Variants in ACAA1 observed in about 807,000 individuals in gnomAD.
The protein encoded by ACAA1 is acetyl-CoA acyltransferase 1, also known as 3-ketoacyl-CoA thiolase, peroxisomal.
ACAA1 carries 44 observed loss-of-function variants against 48.8 expected under a neutral mutation model. The ratio of observed to expected loss-of-function variants is 0.90; its 90% CI spans 0.71 to 1.16. ACAA1 has a LOEUF of 1.16. Among genes scored for constraint, ACAA1 ranks in the 50% most tolerant of loss-of-function variants. The pLI, the probability that ACAA1 is intolerant of heterozygous loss-of-function variation, is 0.00. For synonymous variants in ACAA1, 233 were observed against 226.5 expected (o/e 1.03, Z -0.26); for missense variants, 512 against 562.3 (o/e 0.91, Z 0.90).
chr3:38,125,382 C>T (rs1204524329), intron 11 of ACAA1, 183 bp downstream of exon 11: 6 of 610,346 alleles, frequency 9.8e-6, no homozygotes, highest in African/African-American at 3.8e-5. Flanking sequence ...AACTCACTAC[C>T]TCTGGACCAG....
chr3:38,127,895 C>A, intron 6 of ACAA1, 29 bp from the exon 7 acceptor site: 2 of 1,611,466 alleles, frequency 1.2e-6, no homozygotes, highest in Non-Finnish European at 1.7e-6. Context: ...ATAGTGTGGG[C>A]ATTGGTCTGA....
intron 2 of ACAA1, among the ~76,000 whole-genome samples, chr3:38,135,780 C>A (rs1700878931): frequency 6.6e-6 from 1 of 152,106 alleles, no homozygotes; most frequent in African/African-American, 2.4e-5. Flanking sequence ...AAGAGGCCTT[C>A]CTCTTTTACT....
Position 38,122,792 on chromosome 3 carries a change from T to C in ACAA1, c.*255A>G, listed in dbSNP as rs1700559808. ...CTTGCCTTAAGAATTAACCATGGCC[T>C]TGTGGCCTGGGTGACCCAGGCTGCT... On this transcript the variant is annotated 3_prime_UTR_variant, in exon 12 of 12. Transcript: ENST00000333167. 10 of 1,094,910 alleles carry C rather than the reference T, an allele frequency of 9.1e-6. No individual in the cohort carries two copies. Among genetic ancestry groups the C allele is most frequent in the Non-Finnish European group, 1.3e-5 (10 of 796,244 alleles). 67.8% of individuals were successfully genotyped at this position (1,094,910 alleles called of 1,614,324 possible). A position where few individuals can be genotyped will look rare whatever the true frequency, so the allele number is the denominator to read the frequency against.
intron 11 of ACAA1, 149 bp from the exon 12 acceptor site, chr3:38,123,271 GCACA>G: frequency 1.4e-6 from 1 of 692,422 alleles, no homozygotes; most frequent in Non-Finnish European, 2.5e-6. Context: ...TCCCACTTGG[GCACA>G]CACACGGTGA....
At position 38,129,314 on chromosome 3, in the gene ACAA1, G is replaced by A. The variant is rs1218742466; in HGVS notation, c.521C>T (p.Ala174Val). Residue 174 changes from alanine to valine, a missense_variant, in exon 6 of 12, where the codon GCC (alanine) becomes GTC (valine). Physicochemically the swap from Ala to Val is moderately conservative, Grantham distance 64 (BLOSUM62 0). Coordinates refer to ENST00000333167, the MANE Select transcript of ACAA1 (RefSeq NM_001607.4). The surrounding 1 kb of genome is among the most constrained non-coding windows in gnomAD (Gnocchi z 5.3). Reference protein sequence around the residue: ...ITSRLMEKEKARDCLIPMGIT... With the variant: ...ITSRLMEKEKVRDCLIPMGIT... ...CCCCATAGGAATCAGGCAATCTCTG[G>A]CCTTCTCCTTCTCCATCAAGCGCGA... 6.2e-6 allele frequency: 10 copies of A among 1,613,990 alleles called. No homozygotes were observed. The highest frequency in any genetic ancestry group is 4.0e-5 in the African/African-American group (3 of 74,902).
chr3:38,126,102 A>T lies in ACAA1; in HGVS notation c.997+60T>A. 1 of 1,572,820 alleles carries T rather than the reference A, an allele frequency of 6.4e-7. No individual in the cohort carries two copies. Among genetic ancestry groups the T allele is most frequent in the Non-Finnish European group, 8.7e-7 (1 of 1,153,968 alleles). ...CCACCCTCATGCCCCTGGCAACAGC[A>T]TGCAGGGCAGCTGCAGGATCCAGGT... is the stretch of plus-strand genomic sequence containing the variant. On this transcript the variant is annotated intron_variant, in intron 9 of 11. Coordinates refer to ENST00000333167, the MANE Select transcript of ACAA1 (RefSeq NM_001607.4). The surrounding 1 kb of genome is among the most constrained non-coding windows in gnomAD (Gnocchi z 4.7).
intron 5 of ACAA1, among the ~76,000 whole-genome samples, chr3:38,130,349 A>G (rs1443219021): frequency 6.6e-6 from 1 of 152,228 alleles, no homozygotes; most frequent in Admixed American, 6.5e-5. Flanking sequence ...TACTCCATTT[A>G]TTCTTCTCAA....
chr3:38,131,318 C>G (rs756163767), intron 5 of ACAA1, among the ~76,000 whole-genome samples: 1 of 152,146 alleles, frequency 6.6e-6, no homozygotes, highest in Non-Finnish European at 1.5e-5. Flanking sequence ...TGGATTTTCT[C>G]AAAATGTTTT....
chr3:38,135,005 T>C (rs1700862313), intron 2 of ACAA1, among the ~76,000 whole-genome samples: 1 of 152,004 alleles, frequency 6.6e-6, no homozygotes, highest in Non-Finnish European at 1.5e-5. Flanking sequence ...TTCTATTTAC[T>C]GAGATAGGAG....
At chr3:38,125,437 G>T in intron 11 of ACAA1, 128 bp downstream of exon 11, 2 of 1,192,876 alleles carry the variant, frequency 1.7e-6, no homozygotes, top group South Asian at 2.0e-5. Context: ...CAACATTTGG[G>T]ATTATGGTGC....
Position 38,127,826 on chromosome 3 carries a change from G to A in ACAA1, c.586C>T (p.Arg196Trp), listed in dbSNP as rs189286587. ...ENVAERFGIS[R>W]EKQDTFALAS... is the part of the protein sequence containing the mutation. ...AGGGCAAAGGTATCCTGCTTCTCCC[G>A]TGAAATGCCAAACCGCTCAGCCACA... The change falls in exon 7 of 12, where the codon CGG (arginine) becomes TGG (tryptophan). Residue 196 changes from arginine to tryptophan, a missense_variant. Transcript: ENST00000333167. 4.2e-5 allele frequency: 68 copies of A among 1,614,096 alleles called. No homozygotes were observed. Among genetic ancestry groups the A allele is most frequent in the African/African-American group, 1.2e-4 (9 of 75,002 alleles).
intron 7 of ACAA1, among the ~76,000 whole-genome samples, chr3:38,127,150 T>C (rs1191742365): frequency 6.6e-6 from 1 of 152,240 alleles, no homozygotes; most frequent in African/African-American, 2.4e-5. Context: ...TTAAGCAATT[T>C]TAAAGCACAA....
rs1034036205 is a variant in ACAA1 at position 38,129,069 on chromosome 3, G to A, written c.545+221C>T. 2.6e-5 allele frequency among the ~76,000 whole-genome samples: 4 copies of A among 152,158 alleles called. No homozygotes were observed. The highest frequency in any genetic ancestry group is 2.6e-4 in the Admixed American group (4 of 15,278). On this transcript the variant is annotated intron_variant, in intron 6 of 11. Coordinates refer to ENST00000333167, the MANE Select transcript of ACAA1 (RefSeq NM_001607.4). The surrounding 1 kb of genome is among the most constrained non-coding windows in gnomAD (Gnocchi z 5.3). ...TCAGTGTGGGAGTGACAAGGTGGGC[G>A]ATGTTTGGAAACTCGGGGGCACAGA... is the stretch of plus-strand genomic sequence containing the variant.
Position 38,136,678 on chromosome 3 carries a change from G to A in ACAA1, c.179C>T (p.Thr60Ile), listed in dbSNP as rs772886344. 1.9e-6 allele frequency: 3 copies of A among 1,611,594 alleles called. No individual in the cohort carries two copies. Among genetic ancestry groups the A allele is most frequent in the South Asian group, 2.2e-5 (2 of 90,928 alleles). Residue 60 changes from threonine (T) to isoleucine (I), a missense_variant, in exon 2 of 12, where the codon ACC becomes ATC. Physicochemically the swap from Thr to Ile is moderately conservative, Grantham distance 89. Transcript: ENST00000333167. The stretch of plus-strand genomic sequence containing the variant: ...GACTGCCGAGAGAAGCTCGTCGGGG[G>A]TGGTGTCCTGCAGCAGAAAGAGCAG... ...RAGRGGFKDT[T>I]PDELLSAVMT...
In ACAA1 at chr3:38,125,684, T is replaced by C. The variant is rs572270336; in HGVS notation, c.1080A>G (p.Arg360=). 1.6e-5 allele frequency: 25 copies of C among 1,597,290 alleles called. No homozygotes were observed. In the South Asian group the frequency reaches 2.3e-4, roughly 14 times the overall value. ...SQAAYCVEKL[R]LPPEKVNPLG... ...GGGGGTTCACCTTCTCAGGGGGGAGTCGTAGCTTCTCCACACAGTAGGCAG... is the reference window on the plus strand; with the variant it reads ...GGGGGTTCACCTTCTCAGGGGGGAGCCGTAGCTTCTCCACACAGTAGGCAG... Residue 360 remains arginine, a synonymous_variant, in exon 11 of 12, where the codon CGA becomes CGG. Coordinates refer to ENST00000333167, the MANE Select transcript of ACAA1 (RefSeq NM_001607.4).
chr3:38,132,789 C>A (rs1700814460), intron 3 of ACAA1, among the ~76,000 whole-genome samples: 1 of 152,204 alleles, frequency 6.6e-6, no homozygotes, highest in Non-Finnish European at 1.5e-5. Context: ...CCAGGCCAGG[C>A]TCTGCAGAGA....
Position 38,125,591 on chromosome 3 carries a change from G to T in ACAA1, c.1173C>A (p.Leu391=), listed in dbSNP as rs1396201016. ...CTGARQVITL[L]NELKRRGKRA... is the part of the protein sequence containing the mutation. ...TCTTCCCACGGCGCTTCAGCTCATT[G>T]AGCAGCGTGATGACCTGTCGTGCCC... Residue 391 remains leucine (L), a synonymous_variant, in exon 11 of 12, where the codon CTC becomes CTA. Coordinates refer to ENST00000333167, the MANE Select transcript of ACAA1 (RefSeq NM_001607.4). 2 of 1,581,398 alleles carry T rather than the reference G, an allele frequency of 1.3e-6. No homozygotes were observed. Among genetic ancestry groups the T allele is most frequent in the South Asian group, 2.3e-5 (2 of 86,414 alleles).
At chr3:38,136,067 G>A (rs1700885860) in intron 2 of ACAA1, among the ~76,000 whole-genome samples, 1 of 152,182 alleles carries the variant, frequency 6.6e-6, no homozygotes, top group Non-Finnish European at 1.5e-5. Flanking sequence ...CATACTGCCT[G>A]CAAACAAATG....
rs1410057627 is a variant in ACAA1, at chr3:38,136,617, C to G, written c.240G>C (p.Pro80=). The G allele has an allele frequency of 1.9e-6, 3 of 1,613,926 alleles. No homozygotes were observed. Among genetic ancestry groups the G allele is most frequent in the Non-Finnish European group, 2.5e-6 (3 of 1,179,996 alleles). Residue 80 remains proline (P), a synonymous_variant, in exon 2 of 12, where the codon CCG becomes CCC. Transcript: ENST00000333167. ...TAVLKDVNLR[P]EQLGDICVGN... is the part of the protein sequence containing the mutation. ...CGACACAGATGTCCCCCAGCTGTTC[C>G]GGCCTCAGATTCACGTCCTTGAGAA...
Sources: allele counts gnomAD v4.1 joint callset (sites outside exome capture counted in the v4.1 genomes callset), GRCh38; gene constraint gnomAD v4.1.1; non-coding constraint Gnocchi (gnomAD v3.1); transcripts MANE v1.5; gene names NCBI Gene and HGNC (gene_info 2026-07-23, HGNC 2026-07-21).